The following GLP1R variants were observed in gnomAD, a reference collection of about 807,000 sequenced individuals.
GLP1R encodes the protein glucagon-like peptide 1 receptor.
A neutral mutation model predicts 68.4 loss-of-function variants in GLP1R; 32 were observed. That is an observed-to-expected ratio of 0.47 (90% CI 0.35 to 0.63). GLP1R has a LOEUF of 0.63. Among genes scored for constraint, GLP1R ranks in the 20% least tolerant of loss-of-function variants. The pLI is 0.00. For synonymous variants in GLP1R, 263 were observed against 244.4 expected, an observed-to-expected ratio of 1.08 and a Z score of -0.71; for missense variants, 502 against 594.9, an observed-to-expected ratio of 0.84 and a Z score of 1.62.
chr6:39,073,545 G>A, intron 6 of GLP1R, 65 bp from the exon 7 acceptor site: 1 of 1,381,422 alleles, frequency 7.2e-7, no homozygotes, highest in Admixed American at 1.7e-5. Flanking sequence ...GCAGGACGGG[G>A]AGTGGTATCA....
chr6:39,060,060 C>G (rs1349454264), intron 3 of GLP1R, among the ~76,000 whole-genome samples: 1 of 152,218 alleles, frequency 6.6e-6, no homozygotes, highest in Admixed American at 6.5e-5. Context: ...CTCTGCTGCC[C>G]TCTCCTCACT....
chr6:39,086,418 C>T lies in GLP1R; in HGVS notation c.*345C>T. ...CCCCCAGACAGAGCCGCAAATCAAC[C>T]CCAGACTCAAACTCAAGGTCAACGG... On this transcript the variant is annotated 3_prime_UTR_variant, in exon 13 of 13. Transcript: ENST00000373256. This position sits in a 1 kb window ranked among gnomAD's most constrained non-coding sequence, Gnocchi z 4.5. 4.6e-6 allele frequency: 1 copy of T among 216,416 alleles called. No homozygotes were observed. 13.4% of individuals were successfully genotyped at this position (216,416 alleles called of 1,614,324 possible).
rs199526561 is a variant in GLP1R, at chr6:39,065,728, T to C, written c.301T>C (p.Tyr101His). The C allele has an allele frequency of 6.4e-7, 1 of 1,568,538 alleles. No individual in the cohort carries two copies. The highest frequency in any genetic ancestry group is 8.7e-7 in the Non-Finnish European group (1 of 1,156,028). The change falls in exon 4 of 13, where the codon TAC becomes CAC. Residue 101 changes from tyrosine (Y) to histidine (H), a missense_variant. Transcript: ENST00000373256. ...WASSVPQGHV[Y>H]RFCTAEGLWL... The stretch of plus-strand genomic sequence containing the variant: ...CACCCCAGTGCCGCAGGGCCACGTG[T>C]ACCGGTTCTGCACAGCTGAAGGCCT...
chr6:39,088,425 T>C lies in GLP1R; in HGVS notation c.*2352T>C, dbSNP rs1228864553. 6.6e-6 allele frequency among the ~76,000 whole-genome samples: 1 copy of C among 152,222 alleles called. No homozygotes were observed. The highest frequency in any genetic ancestry group is 1.5e-5 in the Non-Finnish European group (1 of 68,042). ...GTACTCTGAAATTCCAGCAGCTGTT[T>C]ACATGCCTGATGCCTAATGCCATAC... On this transcript the variant is annotated 3_prime_UTR_variant, in exon 13 of 13. Coordinates refer to ENST00000373256, the MANE Select transcript of GLP1R (RefSeq NM_002062.5).
At chr6:39,056,285 T>C (rs981877958) in intron 1 of GLP1R, 112 bp from the exon 2 acceptor site, 1 of 597,422 alleles carries the variant, frequency 1.7e-6, no homozygotes, top group African/African-American at 1.9e-5. Context: ...CCTGGCAGAA[T>C]TTGGGGCTTT....
intron 3 of GLP1R, among the ~76,000 whole-genome samples, chr6:39,063,645 A>G (rs527246793): frequency 6.6e-6 from 1 of 152,024 alleles, no homozygotes; most frequent in South Asian, 2.1e-4. Flanking sequence ...TTTGTTTGGG[A>G]AAGGAGCTGG....
intron 1 of GLP1R, among the ~76,000 whole-genome samples, chr6:39,051,619 A>C (rs1320908865): frequency 6.6e-6 from 1 of 152,124 alleles, no homozygotes; most frequent in Non-Finnish European, 1.5e-5. Context: ...GCCTGCCCCT[A>C]GGAAAATTCC....
At chr6:39,077,960 G>A (rs996836600) in intron 7 of GLP1R, among the ~76,000 whole-genome samples, 1 of 152,188 alleles carries the variant, frequency 6.6e-6, no homozygotes, top group African/African-American at 2.4e-5. Flanking sequence ...CCTGCTCCTT[G>A]CCTCATCCGT....
At chr6:39,060,147 C>A (rs1030144277) in intron 3 of GLP1R, among the ~76,000 whole-genome samples, 4 of 152,190 alleles carry the variant, frequency 2.6e-5, no homozygotes, top group African/African-American at 9.7e-5. Context: ...TGTCCTGGAG[C>A]TTTCCTTGGC....
intron 7 of GLP1R, among the ~76,000 whole-genome samples, chr6:39,075,879 G>A (rs1768805484): frequency 6.6e-6 from 1 of 152,206 alleles, no homozygotes. Flanking sequence ...GCAAGAGGGA[G>A]GCAAATGATG....
intron 3 of GLP1R, among the ~76,000 whole-genome samples, chr6:39,064,647 G>A (rs376762301): frequency 4.6e-5 from 7 of 152,286 alleles, no homozygotes; most frequent in African/African-American, 1.7e-4. Context: ...ACACAAGTAA[G>A]CAGTGGCCTC....
rs1298807315 is a variant in GLP1R at position 39,085,914 on chromosome 6, G to A, written c.1233G>A (p.Leu411=). 6.2e-7 allele frequency: 1 copy of A among 1,613,890 alleles called. No individual in the cohort carries two copies. Reference sequence around the variant, plus strand: ...TCCTTTTCCCATGGAAGGTCCAGCTGGAATTTCGGAAGAGCTGGGAGCGCT... The same window carrying A: ...TCCTTTTCCCATGGAAGGTCCAGCTAGAATTTCGGAAGAGCTGGGAGCGCT... The part of the protein sequence containing the change: ...LYCFVNNEVQ[L]EFRKSWERWR... The change falls in exon 13 of 13, where the codon CTG becomes CTA. Residue 411 remains leucine, a synonymous_variant. Coordinates refer to ENST00000373256, the MANE Select transcript of GLP1R (RefSeq NM_002062.5).
At chr6:39,082,936 C>G (rs549925974) in intron 12 of GLP1R, among the ~76,000 whole-genome samples, 3 of 152,150 alleles carry the variant, frequency 2.0e-5, no homozygotes, top group Admixed American at 6.5e-5. Context: ...GGCTTCCCCC[C>G]CGCCATTGTG....
chr6:39,069,153 C>T (rs1768592641), intron 5 of GLP1R, among the ~76,000 whole-genome samples: 1 of 152,174 alleles, frequency 6.6e-6, no homozygotes, highest in African/African-American at 2.4e-5. Context: ...TCTTTGCTCC[C>T]ATGAAACACT....
chr6:39,078,868 A>G (rs742762), intron 8 of GLP1R, 89 bp from the exon 9 acceptor site: 10 of 1,080,626 alleles, frequency 9.3e-6, no homozygotes, highest in South Asian at 4.0e-5. Context: ...CAACATGGCC[A>G]TGTGCATTGG....
rs768575245 is a variant in GLP1R, at chr6:39,089,869, T to C, written c.*3796T>C. 6.6e-6 allele frequency among the ~76,000 whole-genome samples: 1 copy of C among 152,218 alleles called. No homozygotes were observed. Among genetic ancestry groups the C allele is most frequent in the Non-Finnish European group, 1.5e-5 (1 of 68,040 alleles). On this transcript the variant is annotated 3_prime_UTR_variant, in exon 13 of 13. Coordinates refer to ENST00000373256, the MANE Select transcript of GLP1R (RefSeq NM_002062.5). This position sits in a 1 kb window ranked among gnomAD's most constrained non-coding sequence, Gnocchi z 4.1. ...AAAGGTTTATTTTCCCTCTGTTGAA[T>C]TGATTCTAATCTACAGTGCTTACCC...
At chr6:39,066,663 T>C (rs1768528299) in intron 5 of GLP1R, among the ~76,000 whole-genome samples, 1 of 152,204 alleles carries the variant, frequency 6.6e-6, no homozygotes, top group Admixed American at 6.5e-5. Context: ...CAGTATGATT[T>C]TAGAAAAGAT....
chr6:39,085,891 C>T lies in GLP1R; in HGVS notation c.1225-15C>T. 1.2e-6 allele frequency: 2 copies of T among 1,613,502 alleles called. No homozygotes were observed. The highest frequency in any genetic ancestry group is 1.7e-6 in the Non-Finnish European group (2 of 1,179,534). On this transcript the variant is annotated splice_polypyrimidine_tract_variant and intron_variant, in intron 12 of 12. Transcript: ENST00000373256. ...TTGCATGATGGCTTTCGTTTCCCTC[C>T]TTTTCCCATGGAAGGTCCAGCTGGA...
At chr6:39,070,480 G>T (rs1389488096) in intron 5 of GLP1R, among the ~76,000 whole-genome samples, 1 of 152,204 alleles carries the variant, frequency 6.6e-6, no homozygotes, top group African/African-American at 2.4e-5. Context: ...ATAACTAGGA[G>T]TAGAATTGCC....
Sources: allele counts gnomAD v4.1 joint callset (sites outside exome capture counted in the v4.1 genomes callset), GRCh38; gene constraint gnomAD v4.1.1; non-coding constraint Gnocchi (gnomAD v3.1); transcripts MANE v1.5; gene names NCBI Gene and HGNC (gene_info 2026-07-23, HGNC 2026-07-21).